Variants in RPS6KC1 observed in about 807,000 individuals in gnomAD.
The protein encoded by RPS6KC1 is inactive ribosomal protein S6 kinase delta-1.
RPS6KC1 carries 54 observed loss-of-function variants against 103.8 expected under a neutral mutation model. That is an observed-to-expected ratio of 0.52 (90% CI 0.42 to 0.65). The LOEUF is 0.65. Among genes scored for constraint, RPS6KC1 ranks in the 30% least tolerant of loss-of-function variants. The probability of loss-of-function intolerance (pLI) is 0.00; values close to 1 mark genes in which losing one functional copy is unlikely to be tolerated. For missense variants in RPS6KC1, 1,151 were observed against 1,253.8 expected, an observed-to-expected ratio of 0.92 and a Z score of 1.24; for synonymous variants, 439 against 438.7, an observed-to-expected ratio of 1.00 and a Z score of -0.01.
chr1:213,350,142 C>T, the RPS6KC1 span, among the ~76,000 whole-genome samples: 1 of 152,240 alleles, frequency 6.6e-6, no homozygotes, highest in South Asian at 2.1e-4. Flanking sequence ...GATTCTGTTC[C>T]CTTGCAGAAG....
intron 5 of RPS6KC1, 91 bp downstream of exon 5, chr1:213,117,501 G>A (rs953784409): frequency 6.0e-6 from 4 of 663,172 alleles, no homozygotes; most frequent in Non-Finnish European, 1.0e-5. Context: ...GATGTATATA[G>A]GAATTTGAGG....
chr1:213,828,432 A>C, the RPS6KC1 span, among the ~76,000 whole-genome samples: 1 of 152,248 alleles, frequency 6.6e-6, no homozygotes, highest in Admixed American at 6.5e-5. Context: ...TCATATAGCA[A>C]GAATACAGCA....
chr1:213,193,641 ATTTTTAT>A (rs1293326248), intron 8 of RPS6KC1, among the ~76,000 whole-genome samples: 1 of 151,190 alleles, frequency 6.6e-6, no homozygotes, highest in Non-Finnish European at 1.5e-5. Flanking sequence ...TTTAGTTTTT[ATTTTTAT>A]TTTTTCTGAT....
the RPS6KC1 span, among the ~76,000 whole-genome samples, chr1:213,658,530 G>A: frequency 2.0e-5 from 3 of 152,174 alleles, no homozygotes; most frequent in Admixed American, 1.3e-4. Flanking sequence ...TGACAAATAA[G>A]GTAATGAGGC....
chr1:213,425,630 A>G, the RPS6KC1 span, among the ~76,000 whole-genome samples: 1 of 152,184 alleles, frequency 6.6e-6, no homozygotes, highest in Non-Finnish European at 1.5e-5. Flanking sequence ...GCGCACACCC[A>G]GCTAATAACG....
At chr1:213,137,544 G>C (rs900978420) in intron 6 of RPS6KC1, among the ~76,000 whole-genome samples, 10 of 150,912 alleles carry the variant, frequency 6.6e-5, no homozygotes, top group Admixed American at 5.9e-4. Context: ...TGTTGGTCAG[G>C]CTGGTCTCAA....
intron 3 of RPS6KC1, among the ~76,000 whole-genome samples, chr1:213,081,620 T>C (rs1046495221): frequency 6.6e-6 from 1 of 152,120 alleles, no homozygotes. Context: ...TCCTGAGATT[T>C]ATTTATAAAA....
chr1:213,109,501 GC>G (rs1199972846), intron 4 of RPS6KC1, among the ~76,000 whole-genome samples: 1 of 152,024 alleles, frequency 6.6e-6, no homozygotes, highest in Non-Finnish European at 1.5e-5. Context: ...GGAGCTTCTT[GC>G]CTTAAATTTA....
chr1:213,578,036 C>A, the RPS6KC1 span, among the ~76,000 whole-genome samples: 2 of 152,214 alleles, frequency 1.3e-5, no homozygotes, highest in African/African-American at 4.8e-5. Context: ...AAAAAAATGG[C>A]TCCCCGGGCT....
At chr1:213,349,434 C>G in the RPS6KC1 span, among the ~76,000 whole-genome samples, 1 of 152,144 alleles carries the variant, frequency 6.6e-6, no homozygotes, top group Admixed American at 6.5e-5. Flanking sequence ...TGATATGATA[C>G]TTGGGTGCAT....
the RPS6KC1 span, among the ~76,000 whole-genome samples, chr1:213,494,400 A>G: frequency 6.6e-6 from 1 of 152,136 alleles, no homozygotes; most frequent in Admixed American, 6.5e-5. Flanking sequence ...GAATAAAAGC[A>G]AAGTCTGCAG....
chr1:213,718,547 C>A, the RPS6KC1 span, among the ~76,000 whole-genome samples: 4 of 152,168 alleles, frequency 2.6e-5, no homozygotes, highest in Non-Finnish European at 5.9e-5. Flanking sequence ...ATGTTTATTG[C>A]CATAAATGGC....
the RPS6KC1 span, among the ~76,000 whole-genome samples, chr1:213,288,852 C>T: frequency 2.0e-5 from 3 of 152,140 alleles, no homozygotes; most frequent in East Asian, 1.9e-4. Context: ...ACTTCCTGTG[C>T]GAATGGCAAA....
chr1:213,112,334 A>T (rs145793154), intron 4 of RPS6KC1, among the ~76,000 whole-genome samples: 218 of 152,294 alleles, frequency 1.4e-3, no homozygotes, highest in African/African-American at 5.0e-3. Context: ...TACCACCACT[A>T]CTTGTCTGGT....
chr1:213,096,473 G>A (rs2081462879), intron 3 of RPS6KC1, among the ~76,000 whole-genome samples: 2 of 152,114 alleles, frequency 1.3e-5, no homozygotes, highest in Admixed American at 6.5e-5. Context: ...TGGATCACTT[G>A]AGGTCAGGAG....
intron 6 of RPS6KC1, among the ~76,000 whole-genome samples, chr1:213,137,141 T>G (rs1476187420): frequency 1.3e-5 from 2 of 152,106 alleles, no homozygotes; most frequent in African/African-American, 4.8e-5. Flanking sequence ...CTTTTATTTC[T>G]GTAGGATCCT....
Position 213,272,805 on chromosome 1 carries a change from C to T in RPS6KC1, c.*171C>T, listed in dbSNP as rs1304066046. 9.2e-6 allele frequency: 5 copies of T among 543,946 alleles called. No homozygotes were observed. In the Admixed American group the frequency reaches 1.2e-4, roughly 13 times the overall value. 33.7% of individuals were successfully genotyped at this position (543,946 alleles called of 1,614,324 possible). A position where few individuals can be genotyped will look rare whatever the true frequency, so the allele number is the denominator to read the frequency against. On this transcript the variant is annotated 3_prime_UTR_variant, in exon 15 of 15. Transcript: ENST00000366960. Reference sequence around the variant, plus strand: ...AAAGAGAACAATTCGTTTACAATTACAAGATATTAGCTAATTGTGCCAGGG... The same window carrying T: ...AAAGAGAACAATTCGTTTACAATTATAAGATATTAGCTAATTGTGCCAGGG...
At chr1:213,840,899 A>T in the RPS6KC1 span, 2 of 152,138 alleles carry the variant, frequency 1.3e-5, no homozygotes, top group East Asian at 3.9e-4. Flanking sequence ...TCTCACTGTG[A>T]TGAGAAGTGG....
chr1:213,547,978 A>G, the RPS6KC1 span, among the ~76,000 whole-genome samples: 1 of 152,230 alleles, frequency 6.6e-6, no homozygotes, highest in African/African-American at 2.4e-5. Context: ...ACATGTGTAC[A>G]AGGATTTTCA....
Sources: gnomAD v4.1 joint callset for allele counts (sites outside exome capture counted in the v4.1 genomes callset) on GRCh38, gnomAD v4.1.1 for gene constraint, MANE v1.5 for transcripts, NCBI Gene and HGNC (gene_info 2026-07-23, HGNC 2026-07-21) for gene names.